ERBB4: variants seen among roughly 807,000 people sequenced by gnomAD.
The protein encoded by ERBB4 is receptor tyrosine-protein kinase erbB-4.
Under a neutral mutation model 158.0 loss-of-function variants are expected in ERBB4, and 42 were observed. The ratio of observed to expected loss-of-function variants is 0.27; its 90% confidence interval spans 0.21 to 0.34. The LOEUF is 0.34. Among genes scored for constraint, ERBB4 ranks in the 10% least tolerant of loss-of-function variants. The pLI, the probability that ERBB4 is intolerant of heterozygous loss-of-function variation, is 1.00. For missense variants in ERBB4, 1,333 were observed against 1,624.1 expected (o/e 0.82, Z 3.08); for synonymous variants, 583 against 558.7 (o/e 1.04, Z -0.61).
intron 1 of ERBB4, among the ~76,000 whole-genome samples, chr2:212,534,623 C>T (rs1692938612): frequency 2.6e-5 from 4 of 151,998 alleles, no homozygotes; most frequent in Non-Finnish European, 4.4e-5. Flanking sequence ...GGGAAAGACA[C>T]AAACAAAAAC....
In ERBB4 at chr2:212,450,219, GT is replaced by G. The variant is rs527779071; in HGVS notation, c.82+88229del. Among the ~76,000 whole-genome samples the G allele has an allele frequency of 1.4e-4, 21 of 152,266 alleles. No homozygotes were observed. In the East Asian group the frequency reaches 3.3e-3, roughly 24 times the overall value. ...AAAGTATGACTATATCAATGTCCTT[GT>G]GATAGGCAGAATAATGGCTCTCCAA... On this transcript the variant is annotated intron_variant, in intron 1 of 27. Transcript: ENST00000342788.
In ERBB4 at chr2:211,379,744, A is replaced by C. The variant is rs962134758; in HGVS notation, c.*3871T>G. The C allele has an allele frequency of 4.3e-6, 1 of 231,982 alleles. No individual in the cohort carries two copies. The highest frequency in any genetic ancestry group is 5.6e-5 in the Admixed American group (1 of 17,718). The allele number at this position is 231,982 out of a possible 1,614,324, so 14.4% of individuals were successfully genotyped here. ...TTCTATTACCTTATGAACTACATATACTAGTTAAATTATCAACAATTACAG... is the reference window on the plus strand; with the variant it reads ...TTCTATTACCTTATGAACTACATATCCTAGTTAAATTATCAACAATTACAG... On this transcript the variant is annotated 3_prime_UTR_variant, in exon 28 of 28. Transcript: ENST00000342788.
intron 1 of ERBB4, among the ~76,000 whole-genome samples, chr2:212,415,538 G>A (rs993446541): frequency 6.6e-6 from 1 of 151,982 alleles, no homozygotes; most frequent in Admixed American, 6.6e-5. Context: ...AATAAAGAAC[G>A]TGACACATAA....
intron 1 of ERBB4, among the ~76,000 whole-genome samples, chr2:212,332,523 G>A (rs994279189): frequency 6.6e-6 from 1 of 151,904 alleles, no homozygotes; most frequent in African/African-American, 2.4e-5. Flanking sequence ...ATCAAATATA[G>A]ATTATTCTAA....
chr2:211,792,408 G>C (rs965008658), intron 3 of ERBB4, among the ~76,000 whole-genome samples: 2 of 151,574 alleles, frequency 1.3e-5, no homozygotes, highest in African/African-American at 4.8e-5. Flanking sequence ...TCTGTGGTTA[G>C]AGAAAGCCGA....
chr2:212,410,532 T>C (rs1176206780), intron 1 of ERBB4, among the ~76,000 whole-genome samples: 1 of 152,076 alleles, frequency 6.6e-6, no homozygotes, highest in Non-Finnish European at 1.5e-5. Context: ...TGTTTTTAAA[T>C]TATGCATAAG....
intron 2 of ERBB4, among the ~76,000 whole-genome samples, chr2:212,060,554 C>T (rs1333155618): frequency 3.5e-5 from 4 of 115,640 alleles, no homozygotes; most frequent in Non-Finnish European, 6.2e-5. Context: ...AGACTTGGAA[C>T]CCACCCCAAC....
chr2:212,083,933 A>AT (rs535870583), intron 2 of ERBB4, among the ~76,000 whole-genome samples: 349 of 151,234 alleles, frequency 2.3e-3, no homozygotes, highest in Non-Finnish European at 4.0e-3. Context: ...GGAAAAAAAA[A>AT]AAAAAGATCC....
chr2:211,495,968 A>G (rs915536193), intron 20 of ERBB4, among the ~76,000 whole-genome samples: 4 of 152,018 alleles, frequency 2.6e-5, no homozygotes, highest in Non-Finnish European at 4.4e-5. Context: ...TAATCTCCAT[A>G]CTGATAAATA....
intron 1 of ERBB4, among the ~76,000 whole-genome samples, chr2:212,336,023 A>G (rs2088424275): frequency 6.6e-6 from 1 of 152,058 alleles, no homozygotes. Flanking sequence ...AAAGGGGAAT[A>G]AAGTATGTAG....
chr2:212,046,318 G>A (rs2077260971), intron 2 of ERBB4, among the ~76,000 whole-genome samples: 1 of 152,150 alleles, frequency 6.6e-6, no homozygotes, highest in Non-Finnish European at 1.5e-5. Context: ...GCCCCAGAGA[G>A]GTGAAGCCCA....
chr2:211,477,680 A>G (rs2064988844), intron 20 of ERBB4, among the ~76,000 whole-genome samples: 1 of 152,056 alleles, frequency 6.6e-6, no homozygotes, highest in Admixed American at 6.6e-5. Context: ...AAAAGAAACT[A>G]GAGAAGGAGG....
At chr2:211,656,890 T>G (rs2071237320) in intron 16 of ERBB4, among the ~76,000 whole-genome samples, 1 of 152,202 alleles carries the variant, frequency 6.6e-6, no homozygotes, top group Admixed American at 6.5e-5. Flanking sequence ...TTTCCAATTT[T>G]GGGTGATTAT....
intron 25 of ERBB4, among the ~76,000 whole-genome samples, chr2:211,398,836 CA>C (rs1407878592): frequency 6.6e-6 from 1 of 151,902 alleles, no homozygotes; most frequent in Non-Finnish European, 1.5e-5. Flanking sequence ...GGCTCAGAAA[CA>C]AAACAAAACA....
At chr2:211,903,457 C>T (rs1314934370) in intron 3 of ERBB4, among the ~76,000 whole-genome samples, 2 of 151,952 alleles carry the variant, frequency 1.3e-5, no homozygotes, top group Non-Finnish European at 2.9e-5. Context: ...CAACAGAAAT[C>T]TGACTTTGAA....
chr2:212,144,011 T>C (rs1282931563), intron 1 of ERBB4, among the ~76,000 whole-genome samples: 1 of 148,490 alleles, frequency 6.7e-6, no homozygotes, highest in Non-Finnish European at 1.5e-5. Flanking sequence ...AGAGTGAGAC[T>C]TCATCTCAAA....
chr2:211,472,984 C>T (rs997160374), intron 20 of ERBB4, among the ~76,000 whole-genome samples: 6 of 151,790 alleles, frequency 4.0e-5, no homozygotes, highest in Non-Finnish European at 7.4e-5. Flanking sequence ...ATACCTCTGC[C>T]TCCCCCAGGG....
intron 25 of ERBB4, among the ~76,000 whole-genome samples, chr2:211,405,962 C>T (rs1159257410): frequency 6.6e-6 from 1 of 152,140 alleles, no homozygotes; most frequent in Admixed American, 6.6e-5. Context: ...CCAACTGATA[C>T]CCAAATCCTG....
chr2:211,666,861 T>C (rs998739170), intron 14 of ERBB4, among the ~76,000 whole-genome samples: 3 of 152,158 alleles, frequency 2.0e-5, no homozygotes, highest in African/African-American at 7.2e-5. Flanking sequence ...ATAGTAAGCA[T>C]ACAGAGAGAC....
Sources: gnomAD v4.1 joint callset for allele counts (sites outside exome capture counted in the v4.1 genomes callset) on GRCh38, gnomAD v4.1.1 for gene constraint, MANE v1.5 for transcripts, NCBI Gene and HGNC (gene_info 2026-07-23, HGNC 2026-07-21) for gene names.